CECR2: variants seen among roughly 807,000 people sequenced by gnomAD.
The protein encoded by CECR2 is chromatin remodeling regulator CECR2.
Under a neutral mutation model 154.5 loss-of-function variants are expected in CECR2, and 30 were observed. The ratio of observed to expected loss-of-function variants is 0.19; its 90% CI spans 0.15 to 0.26. The LOEUF (loss-of-function observed/expected upper bound fraction) is 0.26. Ranked by LOEUF, CECR2 falls within the 10% of genes least tolerant of loss-of-function variation. The pLI is 1.00. For synonymous variants in CECR2, 725 were observed against 683.7 expected (o/e 1.06, Z -0.94); for missense variants, 1,743 against 1,829.3 (o/e 0.95, Z 0.86).
rs1422916459 is a variant in CECR2 at position 17,538,629 on chromosome 22, C to G, written c.1277-11C>G. 6.2e-7 allele frequency: 1 copy of G among 1,613,958 alleles called. No individual in the cohort carries two copies. The highest frequency in any genetic ancestry group is 8.5e-7 in the Non-Finnish European group (1 of 1,179,824). On this transcript the variant is annotated splice_polypyrimidine_tract_variant and intron_variant, in intron 11 of 18. Coordinates refer to ENST00000262608, the MANE Select transcript of CECR2 (RefSeq NM_001290047.2). ...CTGTGAGTGTGTTAAGATCTCTTCT[C>G]TGGCTTTCAGTTCTAGACGTGGTAA...
At chr22:17,510,134 A>G (rs2055916726) in intron 7 of CECR2, among the ~76,000 whole-genome samples, 1 of 152,236 alleles carries the variant, frequency 6.6e-6, no homozygotes, top group African/African-American at 2.4e-5. Flanking sequence ...GAAAGTGCGT[A>G]GGGAAACATT....
chr22:17,454,676 A>G (rs1008456694), intron 1 of CECR2, among the ~76,000 whole-genome samples: 1 of 151,870 alleles, frequency 6.6e-6, no homozygotes, highest in Non-Finnish European at 1.5e-5. Context: ...GTTGCCCTTG[A>G]TGAGCCTGTA....
intron 1 of CECR2, among the ~76,000 whole-genome samples, chr22:17,363,174 C>A (rs571042633): frequency 6.6e-6 from 1 of 151,254 alleles, no homozygotes. Flanking sequence ...CTTGACTTAC[C>A]GAGTAGCTGG....
chr22:17,477,721 A>G (rs752666368), intron 2 of CECR2, 39 bp downstream of exon 2: 11 of 1,397,778 alleles, frequency 7.9e-6, no homozygotes, highest in East Asian at 2.3e-5. Context: ...TCTTGCGCCA[A>G]GAACTAATTA....
chr22:17,543,098 CCT>C, intron 16 of CECR2, 95 bp downstream of exon 16: 1 of 1,327,050 alleles, frequency 7.5e-7, no homozygotes, highest in East Asian at 2.5e-5. Flanking sequence ...TGGTTCCCAG[CCT>C]CTCTTTCTTT....
chr22:17,526,412 T>C (rs538468864), intron 9 of CECR2, among the ~76,000 whole-genome samples: 30 of 152,210 alleles, frequency 2.0e-4, no homozygotes, highest in Admixed American at 1.0e-3. Flanking sequence ...GAAAAGAGTC[T>C]CTTCTACAAG....
At chr22:17,503,700 AGTT>A (rs1352609820) in intron 6 of CECR2, among the ~76,000 whole-genome samples, 2 of 151,956 alleles carry the variant, frequency 1.3e-5, no homozygotes, top group Non-Finnish European at 2.9e-5. Context: ...ATTTTTTTTT[AGTT>A]GTTAACAATG....
At chr22:17,498,165 C>T (rs867483306) in intron 3 of CECR2, among the ~76,000 whole-genome samples, 2 of 152,190 alleles carry the variant, frequency 1.3e-5, no homozygotes, top group African/African-American at 4.8e-5. Flanking sequence ...CCAAGGCAGG[C>T]AGATCACGAA....
chr22:17,442,378 C>T (rs543402084), intron 1 of CECR2, among the ~76,000 whole-genome samples: 53 of 152,222 alleles, frequency 3.5e-4, no homozygotes, highest in Non-Finnish European at 1.5e-5. Context: ...GCAGCCTGAG[C>T]AACATAGCGA....
Position 17,447,033 on chromosome 22 carries a change from C to CTTTTTTTTTTT in CECR2, c.127-30546_127-30536dup, listed in dbSNP as rs1555910503. On this transcript the variant is annotated intron_variant, in intron 1 of 18. Coordinates refer to ENST00000262608, the MANE Select transcript of CECR2 (RefSeq NM_001290047.2). ...GAGTGCTGAGTGGTGCGTTTACAAT[C>CTTTTTTTTTTT]TTTTTTTTTTTTTTTTTTTGAGACA... Among the ~76,000 whole-genome samples the CTTTTTTTTTTT allele has an allele frequency of 3.3e-4, 38 of 114,096 alleles. 3 individuals are homozygous for CTTTTTTTTTTT. Among genetic ancestry groups the CTTTTTTTTTTT allele is most frequent in the East Asian group, 3.0e-3 (10 of 3,378 alleles). 74.9% of individuals were successfully genotyped at this position (114,096 alleles called of 152,430 possible).
intron 1 of CECR2, among the ~76,000 whole-genome samples, chr22:17,397,292 A>C (rs1601284318): frequency 6.6e-6 from 1 of 151,728 alleles, no homozygotes; most frequent in African/African-American, 2.4e-5. Flanking sequence ...GGCACACACC[A>C]CCACACCTGG....
At chr22:17,386,694 A>C (rs1330166702) in intron 1 of CECR2, among the ~76,000 whole-genome samples, 1 of 148,754 alleles carries the variant, frequency 6.7e-6, no homozygotes, top group Non-Finnish European at 1.5e-5. Flanking sequence ...ACTCTTGTCC[A>C]GGCTCGAGTG....
intron 1 of CECR2, among the ~76,000 whole-genome samples, chr22:17,465,925 G>T (rs2522287): frequency 0.12 from 18,616 of 152,134 alleles, 1,554 homozygotes; most frequent in African/African-American, 0.24. Context: ...TGCCTAAAGT[G>T]ATTTTAATAA....
At position 17,542,611 on chromosome 22, in the gene CECR2, G is replaced by T. The variant is rs2147032475; in HGVS notation, c.2468G>T (p.Trp823Leu). The part of the protein sequence containing the change: ...VMRPPVPPNQ[W>L]TEQSGFLPHG... ...AGACCACCTGTCCCCCCCAACCAGT[G>T]GACTGAACAATCAGGCTTCCTACCT... is the stretch of plus-strand genomic sequence containing the variant. The change falls in exon 16 of 19, where the codon TGG (tryptophan) becomes TTG (leucine). Residue 823 changes from tryptophan (W) to leucine (L), a missense_variant. Transcript: ENST00000262608. 6.2e-7 allele frequency: 1 copy of T among 1,613,946 alleles called. No homozygotes were observed. Among genetic ancestry groups the T allele is most frequent in the African/African-American group, 1.3e-5 (1 of 75,018 alleles).
At chr22:17,518,488 T>G (rs1001987780) in intron 8 of CECR2, among the ~76,000 whole-genome samples, 1 of 152,222 alleles carries the variant, frequency 6.6e-6, no homozygotes, top group Non-Finnish European at 1.5e-5. Flanking sequence ...CTTGGTATCC[T>G]TCACCACGGA....
chr22:17,406,529 C>T (rs1175707147), intron 1 of CECR2, among the ~76,000 whole-genome samples: 1 of 152,064 alleles, frequency 6.6e-6, no homozygotes, highest in Non-Finnish European at 1.5e-5. Flanking sequence ...CTGTTCCTCC[C>T]CCCACCCCTC....
chr22:17,472,708 A>G (rs5746413), intron 1 of CECR2, among the ~76,000 whole-genome samples: 23,712 of 152,224 alleles, frequency 0.16, 2,726 homozygotes, highest in East Asian at 0.58. Flanking sequence ...CCTCTTTAGC[A>G]AAAGATTAAT....
At chr22:17,372,413 C>T (rs1391599703) in intron 1 of CECR2, among the ~76,000 whole-genome samples, 1 of 152,098 alleles carries the variant, frequency 6.6e-6, no homozygotes, top group Non-Finnish European at 1.5e-5. Context: ...CCCCTGTAAT[C>T]CCAGCACTTT....
intron 16 of CECR2, among the ~76,000 whole-genome samples, chr22:17,547,240 T>C (rs1337186501): frequency 6.6e-6 from 1 of 151,308 alleles, no homozygotes; most frequent in East Asian, 2.0e-4. Flanking sequence ...AATGCCTCTT[T>C]TTTTTTTGAG....
Sources: gnomAD v4.1 joint callset for allele counts (sites outside exome capture counted in the v4.1 genomes callset) on GRCh38, gnomAD v4.1.1 for gene constraint, MANE v1.5 for transcripts, NCBI Gene and HGNC (gene_info 2026-07-23, HGNC 2026-07-21) for gene names.